Variants in FIZ1 observed in about 807,000 individuals in gnomAD.
The protein encoded by FIZ1 is flt3-interacting zinc finger protein 1.
A neutral mutation model predicts 5.3 loss-of-function variants in FIZ1; 2 were observed. The observed-to-expected ratio is 0.37, with a 90% CI of 0.15 to 1.18. FIZ1 has a LOEUF of 1.18. Among genes scored for constraint, FIZ1 ranks in the 50% most tolerant of loss-of-function variants. The probability of loss-of-function intolerance (pLI) is 0.37; values close to 1 mark genes in which losing one functional copy is unlikely to be tolerated. For synonymous variants in FIZ1, 407 were observed against 364.2 expected, an observed-to-expected ratio of 1.12 and a Z score of -1.34; for missense variants, 631 against 749.7, an observed-to-expected ratio of 0.84 and a Z score of 1.85.
chr19:55,593,090 T>C lies in FIZ1; in HGVS notation c.851A>G (p.Asp284Gly). Residue 284 changes from aspartate to glycine, a missense_variant, in exon 3 of 3, where the codon GAC becomes GGC. By Grantham distance (94) the Asp-to-Gly change is moderately conservative. Around this residue, in one of 4 missense-constraint regions of FIZ1, gnomAD observed 463 missense variants for 455.1 expected, o/e 1.02. Coordinates refer to ENST00000221665, the MANE Select transcript of FIZ1 (RefSeq NM_032836.3). The surrounding 1 kb of genome is among the most constrained non-coding windows in gnomAD (Gnocchi z 6.3). Reference protein sequence around the residue: ...AGEGTAAEAGDAPLASDRRLL... With the variant: ...AGEGTAAEAGGAPLASDRRLL... ...CCTGCGGTCCGAAGCCAGAGGAGCG[T>C]CGCCCGCCTCCGCAGCGGTGCCTTC... 7.5e-7 allele frequency: 1 copy of C among 1,332,530 alleles called. No individual in the cohort carries two copies. Among genetic ancestry groups the C allele is most frequent in the Non-Finnish European group, 9.5e-7 (1 of 1,047,490 alleles). 82.5% of individuals were successfully genotyped at this position (1,332,530 alleles called of 1,614,324 possible).
rs1468224901 is a variant in FIZ1, at chr19:55,593,334, C to T, written c.607G>A (p.Gly203Ser). 6 of 1,306,454 alleles carry T rather than the reference C, an allele frequency of 4.6e-6. No homozygotes were observed. The highest frequency in any genetic ancestry group is 8.6e-5 in the Admixed American group (2 of 23,352). The allele number at this position is 1,306,454 out of a possible 1,614,324, so 80.9% of individuals were successfully genotyped here. Residue 203 changes from glycine (G) to serine (S), a missense_variant, in exon 3 of 3, where the codon GGC becomes AGC. Gly to Ser is a moderately conservative substitution (Grantham distance 56, BLOSUM62 0). Coordinates refer to ENST00000221665, the MANE Select transcript of FIZ1 (RefSeq NM_032836.3). This position sits in a 1 kb window ranked among gnomAD's most constrained non-coding sequence, Gnocchi z 6.3. The part of the protein sequence containing the change: ...AAASLPPFAC[G>S]ACARRFDHGR... ...TGGTCGAAGCGCCGCGCGCAGGCGC[C>T]GCACGCAAATGGGGGCAAGGAGGCC...
rs1474196305 is a variant in FIZ1, at chr19:55,593,575, C to T, written c.366G>A (p.Leu122=). 6.4e-7 allele frequency: 1 copy of T among 1,551,368 alleles called. No individual in the cohort carries two copies. Among genetic ancestry groups the T allele is most frequent in the African/African-American group, 1.4e-5 (1 of 73,190 alleles). ...GGTGCTGGCGCTTGAGGTGGCGGCC[C>T]AGGCTGGAGCGTGAGGAGAAGCGGA... is the stretch of plus-strand genomic sequence containing the variant. ...CELRFSSRSS[L]GRHLKRQHRG... Residue 122 remains leucine, a synonymous_variant, in exon 3 of 3, where the codon CTG becomes CTA. Coordinates refer to ENST00000221665, the MANE Select transcript of FIZ1 (RefSeq NM_032836.3). The surrounding 1 kb of genome is among the most constrained non-coding windows in gnomAD (Gnocchi z 6.3).
intron 2 of FIZ1, among the ~76,000 whole-genome samples, chr19:55,594,997 C>T (rs1051983055): frequency 6.6e-6 from 1 of 152,192 alleles, no homozygotes; most frequent in Non-Finnish European, 1.5e-5. Context: ...AGGAGGGAGT[C>T]CAGGAATCTG....
At chr19:55,594,398 CAA>C (rs1209856747) in intron 2 of FIZ1, among the ~76,000 whole-genome samples, 43 of 63,788 alleles carry the variant, frequency 6.7e-4, no homozygotes, top group African/African-American at 1.2e-3. Flanking sequence ...GACTCTGTCT[CAA>C]AAAAAAAAAA....
Position 55,592,769 on chromosome 19 carries a change from G to T in FIZ1, c.1172C>A (p.Thr391Asn). The T allele has an allele frequency of 6.3e-7, 1 of 1,596,820 alleles. No homozygotes were observed. Residue 391 changes from threonine (T) to asparagine (N), a missense_variant, in exon 3 of 3, where the codon ACC becomes AAC. Physicochemically the swap from Thr to Asn is moderately conservative, Grantham distance 65. This residue lies in a region of FIZ1 where 463 missense variants were observed against 455.1 expected (regional missense o/e 1.02). Transcript: ENST00000221665. The surrounding 1 kb of genome is among the most constrained non-coding windows in gnomAD (Gnocchi z 6.9). The part of the protein sequence containing the change: ...HGEGGGEEAA[T>N]AAREREPASG... Reference sequence around the variant, plus strand: ...CGCCGGTTCCCTTTCCCGGGCGGCGGTCGCCGCCTCCTCCCCGCCGCCCTC... The same window carrying T: ...CGCCGGTTCCCTTTCCCGGGCGGCGTTCGCCGCCTCCTCCCCGCCGCCCTC...
chr19:55,598,033 A>C, intron 1 of FIZ1, 132 bp from the exon 2 acceptor site: 4 of 1,056,320 alleles, frequency 3.8e-6, no homozygotes, highest in Non-Finnish European at 5.3e-6. Flanking sequence ...AGCCACTCTC[A>C]TTGTTCTTTA....
In FIZ1 at chr19:55,592,632, T is replaced by C. The variant is rs1980064190; in HGVS notation, c.1309A>G (p.Thr437Ala). 6.2e-7 allele frequency: 1 copy of C among 1,613,480 alleles called. No homozygotes were observed. The highest frequency in any genetic ancestry group is 8.5e-7 in the Non-Finnish European group (1 of 1,179,890). The change falls in exon 3 of 3, where the codon ACT becomes GCT. Residue 437 changes from threonine (T) to alanine (A), a missense_variant. By Grantham distance (58) the Thr-to-Ala change is moderately conservative. Coordinates refer to ENST00000221665, the MANE Select transcript of FIZ1 (RefSeq NM_032836.3). The surrounding 1 kb of genome is among the most constrained non-coding windows in gnomAD (Gnocchi z 6.9). ...RDLERHVLVH[T>A]GEKPFPCLEC... ...AGGCACGGGAACGGCTTCTCGCCAG[T>C]GTGCACCAGCACGTGCCGCTCCAGG... is the stretch of plus-strand genomic sequence containing the variant.
At chr19:55,598,103 T>A (rs557755784) in intron 1 of FIZ1, 1 of 622,404 alleles carries the variant, frequency 1.6e-6, no homozygotes, top group African/African-American at 1.8e-5. Flanking sequence ...GGCAAAATCT[T>A]CCTAATCACT....
rs184431677 is a variant in FIZ1 at position 55,596,572 on chromosome 19, C to G, written c.294+1000G>C. 1.6e-4 allele frequency among the ~76,000 whole-genome samples: 23 copies of G among 146,902 alleles called. No homozygotes were observed. The East Asian group carries it at 4.7e-3, about 30-fold the overall frequency. ...CTCTTCCCAGGGAGGATTCCTCACA[C>G]TGCAGGTTGGCTCAGGTATCACCTG... On this transcript the variant is annotated intron_variant, in intron 2 of 2. Coordinates refer to ENST00000221665, the MANE Select transcript of FIZ1 (RefSeq NM_032836.3).
Position 55,592,531 on chromosome 19 carries a change from G to A in FIZ1, c.1410C>T (p.Phe470=), listed in dbSNP as rs1980056978. ...AGCCCTTGCCGCAGATGTGGCAAGG[G>A]AAGGGCCGCTCGGTGCCGTGCAGCA... ...HRLLHGTERP[F]PCHICGKGFI... The change falls in exon 3 of 3, where the codon TTC becomes TTT. Residue 470 remains phenylalanine (F), a synonymous_variant. Coordinates refer to ENST00000221665, the MANE Select transcript of FIZ1 (RefSeq NM_032836.3). The surrounding 1 kb of genome is among the most constrained non-coding windows in gnomAD (Gnocchi z 6.9). 2.5e-6 allele frequency: 4 copies of A among 1,606,796 alleles called. No individual in the cohort carries two copies. The highest frequency in any genetic ancestry group is 4.5e-5 in the East Asian group (2 of 44,524).
At position 55,593,408 on chromosome 19, in the gene FIZ1, C is replaced by G; in HGVS notation, c.533G>C (p.Gly178Ala). The G allele has an allele frequency of 2.0e-6, 3 of 1,470,242 alleles. No individual in the cohort carries two copies. The highest frequency in any genetic ancestry group is 2.7e-6 in the Non-Finnish European group (3 of 1,118,610). 91.1% of individuals were successfully genotyped at this position (1,470,242 alleles called of 1,614,324 possible). ...CAGCCCCCAGCTGCCCAGACCCGCG[C>G]CTGCCCCCTCGGGGCCCTCTCCGCC... Reference protein sequence around the residue: ...AGGGEGPEGAGAGLGSWGLAE... With the variant: ...AGGGEGPEGAAAGLGSWGLAE... Residue 178 changes from glycine to alanine, a missense_variant, in exon 3 of 3, where the codon GGC becomes GCC. This residue lies in a region of FIZ1 where 463 missense variants were observed against 455.1 expected (regional missense o/e 1.02). Transcript: ENST00000221665. This position sits in a 1 kb window ranked among gnomAD's most constrained non-coding sequence, Gnocchi z 6.3.
rs1980406208 is a variant in FIZ1, at chr19:55,597,881, A to G, written c.-16T>C. 1 of 1,563,476 alleles carries G rather than the reference A, an allele frequency of 6.4e-7. No homozygotes were observed. The highest frequency in any genetic ancestry group is 8.7e-7 in the Non-Finnish European group (1 of 1,154,782). On this transcript the variant is annotated 5_prime_UTR_variant, in exon 2 of 3. Transcript: ENST00000221665. ...CGTCATCCATGGTGGCGGGGAATAC[A>G]GTGGTATGTGGGGGCTCTCTCTGGA...
Position 55,593,000 on chromosome 19 carries a change from C to A in FIZ1, c.941G>T (p.Gly314Val). The change falls in exon 3 of 3, where the codon GGG becomes GTG. Residue 314 changes from glycine to valine, a missense_variant. Physicochemically the swap from Gly to Val is moderately radical, Grantham distance 109 (BLOSUM62 -3). Coordinates refer to ENST00000221665, the MANE Select transcript of FIZ1 (RefSeq NM_032836.3). This position sits in a 1 kb window ranked among gnomAD's most constrained non-coding sequence, Gnocchi z 6.9. Reference protein sequence around the residue: ...KLGGLLPEGGGEAPAPAAAAE... With the variant: ...KLGGLLPEGGVEAPAPAAAAE... ...GGCCGCCGCAGGTGCAGGCGCCTCC[C>A]CACCGCCCTCGGGGAGCAGCCCCCC... 1 of 1,499,972 alleles carries A rather than the reference C, an allele frequency of 6.7e-7. No individual in the cohort carries two copies. The highest frequency in any genetic ancestry group is 2.1e-5 in the Admixed American group (1 of 47,668). 92.9% of individuals were successfully genotyped at this position (1,499,972 alleles called of 1,614,324 possible).
Position 55,592,434 on chromosome 19 carries a change from G to A in FIZ1, c.*16C>T. Reference sequence around the variant, plus strand: ...CAGGAGGCTGGGTGGAGGGCAGGGCGCACGCAGCCTGGCAGTCAGTCCATG... The same window carrying A: ...CAGGAGGCTGGGTGGAGGGCAGGGCACACGCAGCCTGGCAGTCAGTCCATG... On this transcript the variant is annotated 3_prime_UTR_variant, in exon 3 of 3. Transcript: ENST00000221665. This position sits in a 1 kb window ranked among gnomAD's most constrained non-coding sequence, Gnocchi z 6.9. 1.3e-6 allele frequency: 2 copies of A among 1,533,186 alleles called. No homozygotes were observed. Among genetic ancestry groups the A allele is most frequent in the Non-Finnish European group, 1.8e-6 (2 of 1,135,982 alleles). The allele number at this position is 1,533,186 out of a possible 1,614,324, so 95.0% of individuals were successfully genotyped here.
intron 1 of FIZ1, chr19:55,598,266 T>G: frequency 4.9e-6 from 1 of 204,552 alleles, no homozygotes. Flanking sequence ...CCCCACAATG[T>G]TCCCTAAGGA....
rs1230497040 is a variant in FIZ1, at chr19:55,599,510, G to A, written c.-73C>T. On this transcript the variant is annotated 5_prime_UTR_variant, in exon 1 of 3. Transcript: ENST00000221665. ...GGCGCCGACATTTTGGGCAGCGGGG[G>A]CAGCGTCACTTCCACCCGGGGGGCC... is the stretch of plus-strand genomic sequence containing the variant. 5.2e-5 allele frequency: 8 copies of A among 152,398 alleles called. No homozygotes were observed. The highest frequency in any genetic ancestry group is 3.4e-3 in the Middle Eastern group (1 of 298). 9.4% of individuals were successfully genotyped at this position (152,398 alleles called of 1,614,324 possible).
chr19:55,593,776 C>T lies in FIZ1; in HGVS notation c.295-130G>A, dbSNP rs971529269. 4 of 805,150 alleles carry T rather than the reference C, an allele frequency of 5.0e-6. No homozygotes were observed. Among genetic ancestry groups the T allele is most frequent in the Admixed American group, 2.3e-5 (1 of 42,790 alleles). 49.9% of individuals were successfully genotyped at this position (805,150 alleles called of 1,614,324 possible). ...TACAGGGCCATGATCTAGGGAAACG[C>T]TCGTCCTATCACTCTCTGTTTGGGG... On this transcript the variant is annotated intron_variant, in intron 2 of 2. Transcript: ENST00000221665. The surrounding 1 kb of genome is among the most constrained non-coding windows in gnomAD (Gnocchi z 6.3).
chr19:55,593,769 G>A lies in FIZ1; in HGVS notation c.295-123C>T, dbSNP rs2123553384. On this transcript the variant is annotated intron_variant, in intron 2 of 2. Transcript: ENST00000221665. This position sits in a 1 kb window ranked among gnomAD's most constrained non-coding sequence, Gnocchi z 6.3. ...TCACACCTACAGGGCCATGATCTAG[G>A]GAAACGCTCGTCCTATCACTCTCTG... 2 of 846,900 alleles carry A rather than the reference G, an allele frequency of 2.4e-6. No homozygotes were observed. The highest frequency in any genetic ancestry group is 3.8e-6 in the Non-Finnish European group (2 of 531,014). 52.5% of individuals were successfully genotyped at this position (846,900 alleles called of 1,614,324 possible).
At chr19:55,597,350 A>G (rs927008101) in intron 2 of FIZ1, among the ~76,000 whole-genome samples, 6 of 152,084 alleles carry the variant, frequency 3.9e-5, no homozygotes, top group African/African-American at 7.2e-5. Flanking sequence ...GAAATTTACT[A>G]TGAATGTTCC....
Sources: allele counts gnomAD v4.1 joint callset (sites outside exome capture counted in the v4.1 genomes callset), GRCh38; gene constraint gnomAD v4.1.1; regional missense constraint gnomAD v4.1.1; non-coding constraint Gnocchi (gnomAD v3.1); transcripts MANE v1.5; gene names NCBI Gene and HGNC (gene_info 2026-07-23, HGNC 2026-07-21).